The following NAALADL2 variants were observed in gnomAD, a reference collection of about 807,000 sequenced individuals.
NAALADL2 encodes N-acetylated alpha-linked acidic dipeptidase like 2.
NAALADL2 carries 76 observed loss-of-function variants against 87.2 expected under a neutral mutation model. The observed-to-expected ratio is 0.87, with a 90% CI of 0.72 to 1.05. The LOEUF (loss-of-function observed/expected upper bound fraction) is 1.05. Ranked by LOEUF, NAALADL2 falls within the 50% of genes least tolerant of loss-of-function variation. The probability of loss-of-function intolerance (pLI) is 0.00; values close to 1 mark genes in which losing one functional copy is unlikely to be tolerated. For missense variants in NAALADL2, 1,089 were observed against 945.8 expected, an observed-to-expected ratio of 1.15 and a Z score of -1.99; for synonymous variants, 354 against 331.0, an observed-to-expected ratio of 1.07 and a Z score of -0.75.
intron 3 of NAALADL2, among the ~76,000 whole-genome samples, chr3:175,243,689 G>A (rs1424054027): frequency 6.6e-6 from 1 of 151,942 alleles, no homozygotes; most frequent in Non-Finnish European, 1.5e-5. Context: ...GCTCTGTAGT[G>A]TTAGAAAGTG....
At chr3:174,661,419 C>T (rs1725490466) in intron 2 of NAALADL2, among the ~76,000 whole-genome samples, 1 of 152,066 alleles carries the variant, frequency 6.6e-6, no homozygotes, top group African/African-American at 2.4e-5. Flanking sequence ...ACCTGATACA[C>T]CCAAGGGATA....
intron 6 of NAALADL2, among the ~76,000 whole-genome samples, chr3:175,447,936 T>G (rs1720960037): frequency 6.6e-6 from 1 of 152,176 alleles, no homozygotes; most frequent in Admixed American, 6.6e-5. Flanking sequence ...GGCTGCATCT[T>G]GTTCCTGCCT....
chr3:174,991,477 T>A (rs1029407970), intron 1 of NAALADL2, among the ~76,000 whole-genome samples: 2 of 152,034 alleles, frequency 1.3e-5, no homozygotes, highest in African/African-American at 4.8e-5. Context: ...TTTAATTTTT[T>A]ATTTGATATA....
At chr3:175,011,925 A>G (rs1749878313) in intron 1 of NAALADL2, among the ~76,000 whole-genome samples, 1 of 152,172 alleles carries the variant, frequency 6.6e-6, no homozygotes, top group Non-Finnish European at 1.5e-5. Flanking sequence ...TAAAGCATGC[A>G]AAAACTGTAA....
At chr3:175,438,258 G>C (rs1307868155) in intron 5 of NAALADL2, among the ~76,000 whole-genome samples, 1 of 151,966 alleles carries the variant, frequency 6.6e-6, no homozygotes, top group Non-Finnish European at 1.5e-5. Context: ...ATAGAAAATG[G>C]TAATATTTAT....
intron 1 of NAALADL2, among the ~76,000 whole-genome samples, chr3:174,442,951 C>T (rs1714777934): frequency 6.6e-6 from 1 of 152,110 alleles, no homozygotes; most frequent in Admixed American, 6.5e-5. Flanking sequence ...AGAGGCCGGG[C>T]ACATTGCTGT....
intron 2 of NAALADL2, among the ~76,000 whole-genome samples, chr3:175,223,493 C>A (rs935345025): frequency 6.6e-6 from 1 of 152,100 alleles, no homozygotes; most frequent in Admixed American, 6.6e-5. Flanking sequence ...TGAGAGAGTT[C>A]ATTTTATAGA....
intron 4 of NAALADL2, among the ~76,000 whole-genome samples, chr3:175,269,512 C>G (rs1045169492): frequency 4.6e-5 from 7 of 152,146 alleles, no homozygotes; most frequent in Non-Finnish European, 1.0e-4. Flanking sequence ...CTTACGTGAC[C>G]GCTGTTGTGT....
At position 175,028,534 on chromosome 3, in the gene NAALADL2, A is replaced by C. The variant is rs1025796047; in HGVS notation, c.44-68256A>C. On this transcript the variant is annotated intron_variant, in intron 1 of 13. Coordinates refer to ENST00000454872, the MANE Select transcript of NAALADL2 (RefSeq NM_207015.3). ...ATTCAAACCAAAGTTCTAGACATTT[A>C]AAATGAATTAATAAGTGAATATTAT... Among the ~76,000 whole-genome samples, 3 of 152,220 alleles carry C rather than the reference A, an allele frequency of 2.0e-5. No homozygotes were observed. The East Asian group carries it at 5.8e-4, about 29-fold the overall frequency.
At chr3:175,701,306 A>G (rs747270591) in intron 11 of NAALADL2, among the ~76,000 whole-genome samples, 3 of 152,116 alleles carry the variant, frequency 2.0e-5, no homozygotes, top group Non-Finnish European at 4.4e-5. Flanking sequence ...AGAAGCTATC[A>G]GTTATTGATC....
intron 2 of NAALADL2, among the ~76,000 whole-genome samples, chr3:174,623,763 G>C (rs983626419): frequency 6.6e-6 from 1 of 151,954 alleles, no homozygotes; most frequent in African/African-American, 2.4e-5. Context: ...TCAACTTCTT[G>C]AATATTTTTG....
intron 5 of NAALADL2, among the ~76,000 whole-genome samples, chr3:175,356,627 T>C (rs1211443930): frequency 3.8e-5 from 5 of 132,508 alleles, no homozygotes; most frequent in Non-Finnish European, 8.3e-5. Context: ...TAAAAGAAAA[T>C]ACCATTGTAT....
chr3:175,553,915 G>A (rs993403554), intron 9 of NAALADL2, among the ~76,000 whole-genome samples: 3 of 152,178 alleles, frequency 2.0e-5, no homozygotes, highest in African/African-American at 7.2e-5. Context: ...ATGCATCCTA[G>A]TGGAAGGAGT....
intron 1 of NAALADL2, among the ~76,000 whole-genome samples, chr3:174,452,679 A>G (rs925528395): frequency 1.3e-5 from 2 of 152,114 alleles, no homozygotes; most frequent in African/African-American, 4.8e-5. Context: ...TCAGCCCCTT[A>G]AAATCCTCCA....
intron 1 of NAALADL2, among the ~76,000 whole-genome samples, chr3:174,863,545 A>C (rs1459223757): frequency 6.6e-6 from 1 of 152,018 alleles, no homozygotes; most frequent in African/African-American, 2.4e-5. Context: ...CATTGTTTAG[A>C]AATGGCACTA....
At chr3:175,314,693 T>G (rs1321557860) in intron 4 of NAALADL2, among the ~76,000 whole-genome samples, 11 of 76,536 alleles carry the variant, frequency 1.4e-4, no homozygotes, top group African/African-American at 4.5e-4. Context: ...TATATATATA[T>G]ATATATATAT....
chr3:175,437,996 A>C (rs1160071326), intron 5 of NAALADL2, among the ~76,000 whole-genome samples: 2 of 152,066 alleles, frequency 1.3e-5, no homozygotes, highest in Non-Finnish European at 2.9e-5. Flanking sequence ...AAATGAGAAG[A>C]TGTGAACATC....
At chr3:175,710,585 G>GAT (rs147185491) in intron 11 of NAALADL2, among the ~76,000 whole-genome samples, 26,363 of 145,846 alleles carry the variant, frequency 0.18, 2,386 homozygotes, top group African/African-American at 0.25. Flanking sequence ...TACGTATTCA[G>GAT]ATATATATAT....
In NAALADL2 at chr3:175,324,195, T is replaced by C. The variant is rs778376386; in HGVS notation, c.960T>C (p.Ala320=). 6.2e-7 allele frequency: 1 copy of C among 1,613,232 alleles called. No individual in the cohort carries two copies. The highest frequency in any genetic ancestry group is 1.1e-5 in the South Asian group (1 of 90,950). The change falls in exon 5 of 14, where the codon GCT becomes GCC. Residue 320 remains alanine (A), a synonymous_variant. Coordinates refer to ENST00000454872, the MANE Select transcript of NAALADL2 (RefSeq NM_207015.3). ...TTTAGCTTTCCTCATTGGAAAAGGC[T>C]GGATTTGGAGGTGTTCTTCTGTATA... The part of the protein sequence containing the change: ...LLYKLSSLEK[A]GFGGVLLYID...
Sources: gnomAD v4.1 joint callset for allele counts (sites outside exome capture counted in the v4.1 genomes callset) on GRCh38, gnomAD v4.1.1 for gene constraint, MANE v1.5 for transcripts, NCBI Gene and HGNC (gene_info 2026-07-23, HGNC 2026-07-21) for gene names.